The following OR2A12 variants were observed in gnomAD, a reference collection of about 807,000 sequenced individuals.
The protein encoded by OR2A12 is olfactory receptor 2A12.
For synonymous variants in OR2A12, 153 were observed against 149.3 expected (o/e 1.02, Z -0.18); for missense variants, 380 against 372.5 (o/e 1.02, Z -0.17).
intron 1 of OR2A12, among the ~76,000 whole-genome samples, chr7:144,094,575 T>C (rs912570631): frequency 1.8e-4 from 28 of 152,310 alleles, no homozygotes; most frequent in African/African-American, 6.5e-4. Context: ...TTGTATTTTA[T>C]CTCTCATATC....
At chr7:144,093,823 C>T (rs1586901245) in intron 1 of OR2A12, among the ~76,000 whole-genome samples, 2 of 151,876 alleles carry the variant, frequency 1.3e-5, no homozygotes, top group Non-Finnish European at 2.9e-5. Flanking sequence ...TTTTTTATGG[C>T]TGCATAGTAT....
Position 144,098,340 on chromosome 7 carries a change from A to G in OR2A12, c.*2300A>G, listed in dbSNP as rs1586903611. ...TAGTATCTAGAGCAGAGCTAGGTAC[A>G]GAGAAGATTCTCAACAATTATCTGT... On this transcript the variant is annotated 3_prime_UTR_variant, in exon 2 of 2. Coordinates refer to ENST00000641592, the MANE Select transcript of OR2A12 (RefSeq NM_001004135.2). 1 of 152,214 alleles carries G rather than the reference A, an allele frequency of 6.6e-6. No individual in the cohort carries two copies. Among genetic ancestry groups the G allele is most frequent in the African/African-American group, 2.4e-5 (1 of 41,444 alleles). The allele number at this position is 152,214 out of a possible 1,614,324, so 9.4% of individuals were successfully genotyped here. A position where few individuals can be genotyped will look rare whatever the true frequency, so the allele number is the denominator to read the frequency against.
chr7:144,091,182 G>A (rs2051224719), intron 1 of OR2A12, among the ~76,000 whole-genome samples: 1 of 152,206 alleles, frequency 6.6e-6, no homozygotes, highest in African/African-American at 2.4e-5. Flanking sequence ...TTTGATGTCA[G>A]GAGTTCAAGA....
Position 144,086,424 on chromosome 7 carries a change from C to T in OR2A12, c.-171C>T, listed in dbSNP as rs943755485. ...CCTGCCCCACACCTACACACGCTGA[C>T]ACTCATACGAATAACAAAGCTGGAG... On this transcript the variant is annotated 5_prime_UTR_variant, in exon 1 of 2. Coordinates refer to ENST00000641592, the MANE Select transcript of OR2A12 (RefSeq NM_001004135.2). The T allele has an allele frequency of 6.5e-6, 1 of 153,046 alleles. No individual in the cohort carries two copies. The highest frequency in any genetic ancestry group is 2.4e-5 in the African/African-American group (1 of 41,454). 9.5% of individuals were successfully genotyped at this position (153,046 alleles called of 1,614,324 possible). A position where few individuals can be genotyped will look rare whatever the true frequency, so the allele number is the denominator to read the frequency against.
chr7:144,088,302 G>A (rs903852576), intron 1 of OR2A12, among the ~76,000 whole-genome samples: 10 of 152,134 alleles, frequency 6.6e-5, no homozygotes, highest in East Asian at 1.9e-4. Flanking sequence ...GTGAGCCACC[G>A]CGCCCAGCCG....
rs966252008 is a variant in OR2A12, at chr7:144,097,027, G to A, written c.*987G>A. ...AAAAAGAACAAATACACCCATGCAT[G>A]CGCACACACGCACACACGCACACAC... On this transcript the variant is annotated 3_prime_UTR_variant, in exon 2 of 2. Coordinates refer to ENST00000641592, the MANE Select transcript of OR2A12 (RefSeq NM_001004135.2). The A allele has an allele frequency of 1.4e-5, 2 of 146,208 alleles. No individual in the cohort carries two copies. The highest frequency in any genetic ancestry group is 3.0e-5 in the Non-Finnish European group (2 of 66,398). The allele number at this position is 146,208 out of a possible 1,614,324, so 9.1% of individuals were successfully genotyped here.
At chr7:144,092,719 G>A (rs1001841795) in intron 1 of OR2A12, among the ~76,000 whole-genome samples, 1 of 151,918 alleles carries the variant, frequency 6.6e-6, no homozygotes, top group East Asian at 1.9e-4. Context: ...TTCAAATTAA[G>A]GAATTTTTTT....
Position 144,095,490 on chromosome 7 carries a change from C to T in OR2A12, c.383C>T (p.Pro128Leu). The change falls in exon 2 of 2, where the codon CCC (proline) becomes CTC (leucine). Residue 128 changes from proline (P) to leucine (L), a missense_variant. By Grantham distance (98) the Pro-to-Leu change is moderately conservative. Transcript: ENST00000641592. ...CYDRYVAICH[P>L]LQYTLIMNWR... ...GATCGGTATGTGGCAATCTGTCACC[C>T]CTTGCAATACACCCTCATTATGAAC... 6.2e-7 allele frequency: 1 copy of T among 1,613,758 alleles called. No individual in the cohort carries two copies. The highest frequency in any genetic ancestry group is 8.5e-7 in the Non-Finnish European group (1 of 1,179,686).
At chr7:144,087,694 T>C (rs1292400251) in intron 1 of OR2A12, among the ~76,000 whole-genome samples, 1 of 152,200 alleles carries the variant, frequency 6.6e-6, no homozygotes, top group African/African-American at 2.4e-5. Flanking sequence ...TTTCTTACAA[T>C]TTAAAAATGG....
At position 144,096,468 on chromosome 7, in the gene OR2A12, A is replaced by C. The variant is rs1003469026; in HGVS notation, c.*428A>C. The C allele has an allele frequency of 6.5e-6, 1 of 153,300 alleles. No individual in the cohort carries two copies. The highest frequency in any genetic ancestry group is 2.4e-5 in the African/African-American group (1 of 41,242). The allele number at this position is 153,300 out of a possible 1,614,324, so 9.5% of individuals were successfully genotyped here. A position where few individuals can be genotyped will look rare whatever the true frequency, so the allele number is the denominator to read the frequency against. ...CAAGACTCCCTCTCAAAAATAAATA[A>C]ATAAATAAATAAAGAGAGAGAAACT... On this transcript the variant is annotated 3_prime_UTR_variant, in exon 2 of 2. Coordinates refer to ENST00000641592, the MANE Select transcript of OR2A12 (RefSeq NM_001004135.2).
rs1402889765 is a variant in OR2A12 at position 144,098,261 on chromosome 7, G to A, written c.*2221G>A. 1.3e-5 allele frequency: 2 copies of A among 152,004 alleles called. No homozygotes were observed. The highest frequency in any genetic ancestry group is 2.9e-5 in the Non-Finnish European group (2 of 68,008). The allele number at this position is 152,004 out of a possible 1,614,324, so 9.4% of individuals were successfully genotyped here. ...CATGTGTGTTGTCAGTTTACAATCA[G>A]TAATATACAAGATCGTCGTACACAT... On this transcript the variant is annotated 3_prime_UTR_variant, in exon 2 of 2. Transcript: ENST00000641592.
chr7:144,088,529 T>TA (rs2051203132), intron 1 of OR2A12, among the ~76,000 whole-genome samples: 1 of 152,210 alleles, frequency 6.6e-6, no homozygotes, highest in South Asian at 2.1e-4. Flanking sequence ...TTTTCATTGA[T>TA]AAAAAAACTT....
rs188449144 is a variant in OR2A12 at position 144,093,938 on chromosome 7, A to G, written c.-51-1119A>G. On this transcript the variant is annotated intron_variant, in intron 1 of 1. Coordinates refer to ENST00000641592, the MANE Select transcript of OR2A12 (RefSeq NM_001004135.2). ...TTGTGAATAGTGCCGCAATAAACATACGTGTGCATGTATCATCACTGGCCA... is the reference window on the plus strand; with the variant it reads ...TTGTGAATAGTGCCGCAATAAACATGCGTGTGCATGTATCATCACTGGCCA... Among the ~76,000 whole-genome samples, 7 of 152,198 alleles carry G rather than the reference A, an allele frequency of 4.6e-5. No individual in the cohort carries two copies. The East Asian group carries it at 1.4e-3, about 29-fold the overall frequency.
At position 144,095,898 on chromosome 7, in the gene OR2A12, G is replaced by A. The variant is rs34947817; in HGVS notation, c.791G>A (p.Ser264Asn). Residue 264 changes from serine to asparagine, a missense_variant, in exon 2 of 2, where the codon AGC (serine) becomes AAC (asparagine). By Grantham distance (46) the Ser-to-Asn change is conservative. Coordinates refer to ENST00000641592, the MANE Select transcript of OR2A12 (RefSeq NM_001004135.2). ...GTCATGTACATGGCCCCCAAGTCAA[G>A]CCATTCTCAAGAACGGAGGAAGATC... ...AIVMYMAPKS[S>N]HSQERRKILS... 296,023 of 1,613,840 alleles carry A rather than the reference G, an allele frequency of 0.18. 30,063 individuals carry two copies. The highest frequency in any genetic ancestry group is 0.24 in the African/African-American group (17,890 of 74,908).
At position 144,095,162 on chromosome 7, in the gene OR2A12, G is replaced by C; in HGVS notation, c.55G>C (p.Asp19His). 1 of 1,613,830 alleles carries C rather than the reference G, an allele frequency of 6.2e-7. No individual in the cohort carries two copies. The highest frequency in any genetic ancestry group is 8.5e-7 in the Non-Finnish European group (1 of 1,179,854). ...TEVILLGFQV[D>H]PALELFLFGF... is the part of the protein sequence containing the mutation. The stretch of plus-strand genomic sequence containing the variant: ...AGTCATCCTGTTGGGATTCCAGGTG[G>C]ACCCAGCTCTGGAGTTGTTCCTCTT... Residue 19 changes from aspartate to histidine, a missense_variant, in exon 2 of 2, where the codon GAC becomes CAC. By Grantham distance (81) the Asp-to-His change is moderately conservative (BLOSUM62 -1). Coordinates refer to ENST00000641592, the MANE Select transcript of OR2A12 (RefSeq NM_001004135.2).
chr7:144,095,876 A>T lies in OR2A12; in HGVS notation c.769A>T (p.Met257Leu), dbSNP rs755392852. ...VGLFFGSAIV[M>L]YMAPKSSHSQ... ...GCTTTTCTTTGGCAGCGCCATTGTCATGTACATGGCCCCCAAGTCAAGCCA... is the reference window on the plus strand; with the variant it reads ...GCTTTTCTTTGGCAGCGCCATTGTCTTGTACATGGCCCCCAAGTCAAGCCA... The change falls in exon 2 of 2, where the codon ATG (methionine) becomes TTG (leucine). Residue 257 changes from methionine (M) to leucine (L), a missense_variant. Transcript: ENST00000641592. The T allele has an allele frequency of 4.3e-6, 7 of 1,614,034 alleles. No individual in the cohort carries two copies. In the Admixed American group the frequency reaches 1.2e-4, roughly 27 times the overall value.
intron 1 of OR2A12, among the ~76,000 whole-genome samples, chr7:144,089,262 C>A (rs1294353283): frequency 6.6e-6 from 1 of 151,610 alleles, no homozygotes; most frequent in Non-Finnish European, 1.5e-5. Flanking sequence ...CCAGTTTCTA[C>A]AACATGTTTT....
intron 1 of OR2A12, among the ~76,000 whole-genome samples, chr7:144,092,153 G>T (rs2051231676): frequency 6.6e-6 from 1 of 152,142 alleles, no homozygotes; most frequent in Non-Finnish European, 1.5e-5. Context: ...TTGAAGATCA[G>T]ATGGTTGTAG....
In OR2A12 at chr7:144,098,765, A is replaced by G. The variant is rs916141796; in HGVS notation, c.*2725A>G. 5.3e-5 allele frequency: 8 copies of G among 152,272 alleles called. No individual in the cohort carries two copies. The highest frequency in any genetic ancestry group is 7.3e-5 in the Non-Finnish European group (5 of 68,042). The allele number at this position is 152,272 out of a possible 1,614,324, so 9.4% of individuals were successfully genotyped here. On this transcript the variant is annotated 3_prime_UTR_variant, in exon 2 of 2. Transcript: ENST00000641592. Reference sequence around the variant, plus strand: ...GAGAGAGAGCCCATATTCTCAATACAATACTAACTCTATGTACAACTGTAG... The same window carrying G: ...GAGAGAGAGCCCATATTCTCAATACGATACTAACTCTATGTACAACTGTAG...
Sources: gnomAD v4.1 joint callset for allele counts (sites outside exome capture counted in the v4.1 genomes callset) on GRCh38, gnomAD v4.1.1 for gene constraint, MANE v1.5 for transcripts, NCBI Gene and HGNC (gene_info 2026-07-23, HGNC 2026-07-21) for gene names.